Variants in ANK2 observed in about 807,000 individuals in gnomAD.
ANK2 encodes the protein ankyrin 2.
ANK2 carries 83 observed loss-of-function variants against 360.5 expected under a neutral mutation model. That is an observed-to-expected ratio of 0.23 (90% CI 0.19 to 0.28). ANK2 has a LOEUF of 0.28. Among genes scored for constraint, ANK2 ranks in the 10% least tolerant of loss-of-function variants. The probability of loss-of-function intolerance (pLI) is 1.00; values close to 1 mark genes in which losing one functional copy is unlikely to be tolerated. For missense variants in ANK2, 4,201 were observed against 4,795.7 expected (o/e 0.88, Z 3.66); for synonymous variants, 1,740 against 1,759.5 (o/e 0.99, Z 0.28).
chr4:113,250,752 A>AC (rs1383642885), intron 10 of ANK2, among the ~76,000 whole-genome samples: 10 of 47,362 alleles, frequency 2.1e-4, no homozygotes, highest in South Asian at 1.1e-3. Flanking sequence ...ACCTCATACC[A>AC]CCGCCCCCCC....
intron 4 of ANK2, among the ~76,000 whole-genome samples, chr4:113,210,273 T>A (rs2099005793): frequency 6.6e-6 from 1 of 152,174 alleles, no homozygotes; most frequent in African/African-American, 2.4e-5. Flanking sequence ...TTTGGTTTCC[T>A]TTACCAGCAA....
chr4:113,210,360 G>A (rs2099007352), intron 4 of ANK2, among the ~76,000 whole-genome samples: 1 of 152,160 alleles, frequency 6.6e-6, no homozygotes, highest in Admixed American at 6.5e-5. Flanking sequence ...TGAGGCATAT[G>A]TCAAAAAAAC....
chr4:113,303,536 A>G (rs2075907139), intron 23 of ANK2, among the ~76,000 whole-genome samples: 1 of 152,158 alleles, frequency 6.6e-6, no homozygotes, highest in Admixed American at 6.5e-5. Flanking sequence ...AGAGCTGGAG[A>G]TGGGCCAGCT....
At chr4:112,728,292 C>CAAAAAAAAAAAAAAAAAAAAAAAAAAAAA in the ANK2 span, among the ~76,000 whole-genome samples, 2 of 40,124 alleles carry the variant, frequency 5.0e-5, no homozygotes, top group African/African-American at 1.2e-4. Flanking sequence ...GACTCTGTCT[C>CAAAAAAAAAAAAAAAAAAAAAAAAAAAAA]AAAAAAAAAA....
chr4:112,753,352 A>G, the ANK2 span, among the ~76,000 whole-genome samples: 1 of 152,236 alleles, frequency 6.6e-6, no homozygotes. Flanking sequence ...TGAGAAATGC[A>G]TCATTAGCAA....
intron 43 of ANK2, chr4:113,372,513 T>C (rs1472175119): frequency 6.8e-7 from 1 of 1,471,222 alleles, no homozygotes; most frequent in African/African-American, 1.4e-5. Flanking sequence ...AACAAAGCAA[T>C]GCTTCCATGC....
chr4:112,738,326 C>T, the ANK2 span, among the ~76,000 whole-genome samples: 2 of 150,876 alleles, frequency 1.3e-5, no homozygotes, highest in East Asian at 2.0e-4. Flanking sequence ...GCCAGAGAAT[C>T]GCTTGAACCA....
rs17045051 is a variant in ANK2 at position 112,846,544 on chromosome 4, A to G, written c.-40+28280A>G. 8.5e-3 allele frequency among the ~76,000 whole-genome samples: 1,290 copies of G among 151,770 alleles called. 20 individuals carry two copies. The highest frequency in any genetic ancestry group is 0.03 in the African/African-American group (1,230 of 41,388). On this transcript the variant is annotated intron_variant, in intron 1 of 30. Coordinates refer to the ANK2 transcript ENST00000503271. ...TCCTTCTGCCCCATTTTATATTCCT[A>G]AATGGGTCTTCCTTTTTGAAACACT...
At chr4:113,110,987 A>G (rs1011186566) in intron 1 of ANK2, among the ~76,000 whole-genome samples, 1 of 152,156 alleles carries the variant, frequency 6.6e-6, no homozygotes, top group Non-Finnish European at 1.5e-5. Flanking sequence ...TTTGCTAATT[A>G]TTTACTGGCC....
chr4:113,204,182 G>A (rs556916635), intron 4 of ANK2, among the ~76,000 whole-genome samples: 1 of 151,994 alleles, frequency 6.6e-6, no homozygotes, highest in Non-Finnish European at 1.5e-5. Flanking sequence ...ATCGGAAGGA[G>A]CACTCTAAAT....
the ANK2 span, among the ~76,000 whole-genome samples, chr4:112,709,339 T>C: frequency 2.0e-5 from 3 of 152,204 alleles, no homozygotes; most frequent in Non-Finnish European, 4.4e-5. Flanking sequence ...ATGGTTGTTT[T>C]GCAATAGTTT....
intron 1 of ANK2, among the ~76,000 whole-genome samples, chr4:113,105,025 C>T (rs1363233630): frequency 2.0e-5 from 3 of 151,846 alleles, no homozygotes; most frequent in Non-Finnish European, 4.4e-5. Flanking sequence ...AGAATCCAAT[C>T]AGATTGAGAG....
Position 113,336,656 on chromosome 4 carries a change from C to T in ANK2, c.3671C>T (p.Pro1224Leu). ...ATFSPIVTLE[P>L]RRRKFHKPIT... is the part of the protein sequence containing the mutation. ...TTCAGCCCTATAGTCACTTTGGAAC[C>T]TAGAAGAAGAAAATTCCACAAACCA... The change falls in exon 31 of 46, where the codon CCT (proline) becomes CTT (leucine). Residue 1224 changes from proline (P) to leucine (L), a missense_variant. By Grantham distance (98) the Pro-to-Leu change is moderately conservative. This residue lies in a region of ANK2 where 1,268 missense variants were observed against 1,650.8 expected (regional missense o/e 0.77). Transcript: ENST00000357077. The T allele has an allele frequency of 6.2e-7, 1 of 1,614,076 alleles. No homozygotes were observed.
chr4:112,934,050 A>C (rs932001449), intron 2 of ANK2, among the ~76,000 whole-genome samples: 7 of 152,232 alleles, frequency 4.6e-5, no homozygotes, highest in African/African-American at 1.4e-4. Context: ...GATTTGTGAA[A>C]GGGTTGGGGG....
chr4:112,827,020 T>G lies in ANK2; in HGVS notation c.-40+8756T>G, dbSNP rs576376448. On this transcript the variant is annotated intron_variant, in intron 1 of 30. Transcript: ENST00000503271. ...GTTCTACAAAAGAGAATTTTAGACA[T>G]TGGTAAAAAGCATGACATTACAGAA... is the stretch of plus-strand genomic sequence containing the variant. 31 of 1,446,490 alleles carry G rather than the reference T, an allele frequency of 2.1e-5. No homozygotes were observed. The African/African-American group carries it at 3.4e-4, about 16-fold the overall frequency. 89.6% of individuals were successfully genotyped at this position (1,446,490 alleles called of 1,614,324 possible).
intron 2 of ANK2, among the ~76,000 whole-genome samples, chr4:112,957,897 T>C (rs868065591): frequency 1.8e-3 from 249 of 139,936 alleles, no homozygotes; most frequent in South Asian, 5.8e-3. Context: ...CGGGCAGAGA[T>C]GCTCCTCACC....
At chr4:112,855,976 T>C (rs1403907221) in intron 1 of ANK2, among the ~76,000 whole-genome samples, 3 of 152,204 alleles carry the variant, frequency 2.0e-5, no homozygotes, top group Non-Finnish European at 4.4e-5. Context: ...GAGTGAAGTT[T>C]AGATGTGGGT....
intron 22 of ANK2, among the ~76,000 whole-genome samples, chr4:113,302,022 C>T (rs2075264371): frequency 6.6e-6 from 1 of 152,200 alleles, no homozygotes; most frequent in South Asian, 2.1e-4. Context: ...TTATGAAGTA[C>T]TTTTCTATCC....
chr4:112,999,588 A>G (rs2049882990), intron 2 of ANK2, among the ~76,000 whole-genome samples: 1 of 152,092 alleles, frequency 6.6e-6, no homozygotes, highest in South Asian at 2.1e-4. Context: ...TTTGGAATAC[A>G]AAGCCAGTGG....
Sources: gnomAD v4.1 joint callset for allele counts (sites outside exome capture counted in the v4.1 genomes callset) on GRCh38, gnomAD v4.1.1 for gene constraint, gnomAD v4.1.1 regional missense constraint, MANE v1.5 for transcripts, NCBI Gene and HGNC (gene_info 2026-07-23, HGNC 2026-07-21) for gene names.